ESRRB: variants seen among roughly 807,000 people sequenced by gnomAD.
The protein encoded by ESRRB is estrogen related receptor beta.
In ESRRB, 16 loss-of-function variants were observed where a neutral mutation model predicts 46.0. The ratio of observed to expected loss-of-function variants is 0.35; its 90% confidence interval spans 0.24 to 0.53. The LOEUF is 0.53. Ranked by LOEUF, ESRRB falls within the 20% of genes least tolerant of loss-of-function variation. The pLI is 0.93. For synonymous variants in ESRRB, 246 were observed against 259.6 expected (o/e 0.95, Z 0.50); for missense variants, 488 against 607.4 (o/e 0.80, Z 2.07).
intron 5 of ESRRB, among the ~76,000 whole-genome samples, chr14:76,490,072 A>G (rs934208580): frequency 6.6e-6 from 1 of 152,222 alleles, no homozygotes; most frequent in Non-Finnish European, 1.5e-5. Context: ...GGTCTAAGTC[A>G]GCAAATGAAG....
In ESRRB at chr14:76,501,152, A is replaced by G. The variant is rs1350982707; in HGVS notation, c.*2694A>G. On this transcript the variant is annotated 3_prime_UTR_variant, in exon 7 of 7. Coordinates refer to ENST00000644823, the MANE Select transcript of ESRRB (RefSeq NM_001379180.1). ...AACCTGCCATTTCTGGAAAATCTGT[A>G]AAGAGGAAACAGCCTGTCTCAGCTG... 2 of 207,892 alleles carry G rather than the reference A, an allele frequency of 9.6e-6. No homozygotes were observed. The highest frequency in any genetic ancestry group is 9.8e-6 in the Non-Finnish European group (1 of 102,492). The allele number at this position is 207,892 out of a possible 1,614,324, so 12.9% of individuals were successfully genotyped here. A position where few individuals can be genotyped will look rare whatever the true frequency, so the allele number is the denominator to read the frequency against.
intron 1 of ESRRB, among the ~76,000 whole-genome samples, chr14:76,399,206 G>A (rs571228397): frequency 2.1e-4 from 32 of 152,220 alleles, no homozygotes; most frequent in East Asian, 1.4e-3. Flanking sequence ...TTTAACCAGC[G>A]CGTATATATC....
chr14:76,415,979 T>C (rs141897792), intron 1 of ESRRB, among the ~76,000 whole-genome samples: 2,596 of 152,306 alleles, frequency 0.017, 34 homozygotes, highest in Middle Eastern at 0.037. Flanking sequence ...CCTTATCCTC[T>C]TTACACAGTT....
chr14:76,404,620 T>C (rs1285025759), intron 1 of ESRRB, among the ~76,000 whole-genome samples: 1 of 152,192 alleles, frequency 6.6e-6, no homozygotes, highest in Non-Finnish European at 1.5e-5. Context: ...CTTCCTTTAT[T>C]GTTTCTGCCT....
At chr14:76,352,683 G>A (rs1884327940) in intron 1 of ESRRB, among the ~76,000 whole-genome samples, 1 of 152,240 alleles carries the variant, frequency 6.6e-6, no homozygotes, top group Non-Finnish European at 1.5e-5. Flanking sequence ...TTCTGGTGAG[G>A]ATTGGATAAC....
At chr14:76,365,479 C>T (rs977664434) in intron 1 of ESRRB, among the ~76,000 whole-genome samples, 20 of 150,702 alleles carry the variant, frequency 1.3e-4, no homozygotes, top group African/African-American at 3.5e-4. Context: ...ATCCTGTCTC[C>T]AAAACAAACA....
intron 1 of ESRRB, among the ~76,000 whole-genome samples, chr14:76,433,819 A>G (rs193260610): frequency 2.6e-5 from 4 of 152,128 alleles, no homozygotes; most frequent in Non-Finnish European, 4.4e-5. Context: ...CTGACCTTAT[A>G]GGATGGAATC....
At chr14:76,472,933 G>C (rs970788122) in intron 3 of ESRRB, among the ~76,000 whole-genome samples, 6 of 152,202 alleles carry the variant, frequency 3.9e-5, no homozygotes, top group Non-Finnish European at 8.8e-5. Flanking sequence ...TAGTAGAGGA[G>C]CTTTGGAAAA....
chr14:76,318,192 G>A (rs1270023828), intron 1 of ESRRB, among the ~76,000 whole-genome samples: 1 of 152,094 alleles, frequency 6.6e-6, no homozygotes, highest in African/African-American at 2.4e-5. Flanking sequence ...AGGCTTGTAC[G>A]TGTCTGGAGA....
At chr14:76,441,369 T>C (rs537288866) in intron 2 of ESRRB, among the ~76,000 whole-genome samples, 18 of 152,160 alleles carry the variant, frequency 1.2e-4, no homozygotes, top group African/African-American at 4.1e-4. Flanking sequence ...ACGAGGTGAA[T>C]TGGGGAGAAT....
chr14:76,475,010 C>T (rs182781133), intron 3 of ESRRB, among the ~76,000 whole-genome samples: 113 of 152,068 alleles, frequency 7.4e-4, no homozygotes, highest in Middle Eastern at 3.4e-3. Flanking sequence ...AGAAGGATCG[C>T]TTGAGGTCAG....
chr14:76,327,306 G>T lies in ESRRB; in HGVS notation c.2+16390G>T, dbSNP rs540304642. ...TTGGCCAGCTTCCCCATTTCTCTCT[G>T]ACACGCCTGGAAACTCCTGAAAAGT... On this transcript the variant is annotated intron_variant, in intron 1 of 6. Coordinates refer to the ESRRB transcript ENST00000512784. Among the ~76,000 whole-genome samples the T allele has an allele frequency of 7.9e-5, 12 of 152,194 alleles. No individual in the cohort carries two copies. The East Asian group carries it at 1.9e-3, about 24-fold the overall frequency.
intron 1 of ESRRB, among the ~76,000 whole-genome samples, chr14:76,312,625 G>C (rs1272508684): frequency 2.0e-5 from 3 of 151,586 alleles, no homozygotes; most frequent in Non-Finnish European, 2.9e-5. Context: ...CGCCAACTAG[G>C]AGTTAAAGTG....
At chr14:76,317,497 A>C (rs1883816085) in intron 1 of ESRRB, among the ~76,000 whole-genome samples, 1 of 152,168 alleles carries the variant, frequency 6.6e-6, no homozygotes, top group South Asian at 2.1e-4. Context: ...ATATGCACAC[A>C]GGTCAGCTGG....
rs1890641087 is a variant in ESRRB, at chr14:76,501,034, G to C, written c.*2576G>C. 1 of 462,768 alleles carries C rather than the reference G, an allele frequency of 2.2e-6. No individual in the cohort carries two copies. The highest frequency in any genetic ancestry group is 3.9e-6 in the Non-Finnish European group (1 of 254,306). 28.7% of individuals were successfully genotyped at this position (462,768 alleles called of 1,614,324 possible). On this transcript the variant is annotated 3_prime_UTR_variant, in exon 7 of 7. Coordinates refer to ENST00000644823, the MANE Select transcript of ESRRB (RefSeq NM_001379180.1). ...CCTGGCCAGATGAGGACCCTCTCCG[G>C]GGAAGGGAGAGGACTGACTTAGTGG...
upstream of ESRRB, among the ~76,000 whole-genome samples, chr14:76,370,303 CAGG>C (rs563418905): frequency 6.5e-3 from 986 of 151,070 alleles, 13 homozygotes; most frequent in Non-Finnish European, 0.011. Context: ...GAGGCTGAGG[CAGG>C]AGAATTACTT....
At chr14:76,485,626 T>A (rs924741368) in intron 5 of ESRRB, among the ~76,000 whole-genome samples, 1 of 143,844 alleles carries the variant, frequency 7.0e-6, no homozygotes, top group Non-Finnish European at 1.5e-5. Flanking sequence ...TCCCTATCCC[T>A]GAGAGAGAGA....
At chr14:76,359,829 G>C (rs1239907543) in intron 1 of ESRRB, among the ~76,000 whole-genome samples, 2 of 152,160 alleles carry the variant, frequency 1.3e-5, no homozygotes, top group Admixed American at 1.3e-4. Context: ...ACACCCAGGA[G>C]GCAAGGCGAT....
chr14:76,401,503 T>C (rs964218392), intron 1 of ESRRB, among the ~76,000 whole-genome samples: 1 of 152,198 alleles, frequency 6.6e-6, no homozygotes, highest in Non-Finnish European at 1.5e-5. Context: ...ACCAATACGA[T>C]GTATAGTCAT....
Sources: allele counts gnomAD v4.1 joint callset (sites outside exome capture counted in the v4.1 genomes callset), GRCh38; gene constraint gnomAD v4.1.1; transcripts MANE v1.5; gene names NCBI Gene and HGNC (gene_info 2026-07-23, HGNC 2026-07-21).